The following RIPK2 variants were observed in gnomAD, a reference collection of about 807,000 sequenced individuals.
The protein encoded by RIPK2 is receptor-interacting serine/threonine-protein kinase 2.
RIPK2 carries 38 observed loss-of-function variants against 60.9 expected under a neutral mutation model. The observed-to-expected ratio is 0.62, with a 90% CI of 0.48 to 0.82. The LOEUF (loss-of-function observed/expected upper bound fraction) is 0.82. Ranked by LOEUF, RIPK2 falls within the 40% of genes least tolerant of loss-of-function variation. RIPK2 has a pLI of 0.00. For synonymous variants in RIPK2, 225 were observed against 223.4 expected (o/e 1.01, Z -0.06); for missense variants, 518 against 647.0 (o/e 0.80, Z 2.16).
In RIPK2 at chr8:89,789,417, G is replaced by C; in HGVS notation, c.1220G>C (p.Cys407Ser). ...TISGSQRAAF[C>S]DHKTTPCSSA... ...TCTGGATCTCAAAGGGCTGCATTCT[G>C]TGATCACAAGACCACTCCATGCTCT... is the stretch of plus-strand genomic sequence containing the variant. Residue 407 changes from cysteine (C) to serine (S), a missense_variant, in exon 10 of 11, where the codon TGT becomes TCT. Coordinates refer to ENST00000220751, the MANE Select transcript of RIPK2 (RefSeq NM_003821.6). 6.2e-7 allele frequency: 1 copy of C among 1,614,096 alleles called. No individual in the cohort carries two copies. Among genetic ancestry groups the C allele is most frequent in the Non-Finnish European group, 8.5e-7 (1 of 1,179,992 alleles).
At chr8:89,777,672 A>C (rs1158745124) in intron 6 of RIPK2, among the ~76,000 whole-genome samples, 1 of 152,034 alleles carries the variant, frequency 6.6e-6, no homozygotes, top group Non-Finnish European at 1.5e-5. Flanking sequence ...TTGGGATGCT[A>C]CTGGTTTTGT....
chr8:89,786,002 A>G (rs1301664212), intron 8 of RIPK2, among the ~76,000 whole-genome samples: 2 of 152,218 alleles, frequency 1.3e-5, no homozygotes, highest in African/African-American at 2.4e-5. Context: ...CTCATTCACT[A>G]TTCTAGCTAC....
chr8:89,779,155 G>C (rs976923199), intron 6 of RIPK2, among the ~76,000 whole-genome samples: 3 of 151,806 alleles, frequency 2.0e-5, no homozygotes, highest in African/African-American at 7.3e-5. Context: ...TTATTGTCAT[G>C]GGTCTGTATA....
intron 10 of RIPK2, 36 bp downstream of exon 10, chr8:89,789,518 C>T: frequency 6.3e-7 from 1 of 1,576,216 alleles, no homozygotes; most frequent in African/African-American, 1.3e-5. Context: ...GTAAGTGATG[C>T]CATTGACCTT....
At chr8:89,772,610 A>G (rs1809332193) in intron 5 of RIPK2, 57 bp from the exon 6 acceptor site, 1 of 1,260,138 alleles carries the variant, frequency 7.9e-7, no homozygotes, top group East Asian at 2.5e-5. Context: ...TTTAGATGTA[A>G]GTAATATGCT....
At position 89,774,374 on chromosome 8, in the gene RIPK2, A is replaced by G. The variant is rs139096894; in HGVS notation, c.853+1546A>G. ...CACTTCATACCCACAAAATAGCTATAATTAAAGACAGAAAATAACAAGTGT... is the reference window on the plus strand; with the variant it reads ...CACTTCATACCCACAAAATAGCTATGATTAAAGACAGAAAATAACAAGTGT... On this transcript the variant is annotated intron_variant, in intron 6 of 10. Coordinates refer to ENST00000220751, the MANE Select transcript of RIPK2 (RefSeq NM_003821.6). Among the ~76,000 whole-genome samples, 971 of 152,314 alleles carry G rather than the reference A, an allele frequency of 6.4e-3. 15 individuals carry two copies. The highest frequency in any genetic ancestry group is 0.022 in the African/African-American group (924 of 41,564).
At chr8:89,766,130 G>A (rs374952271) in intron 3 of RIPK2, among the ~76,000 whole-genome samples, 28 of 151,926 alleles carry the variant, frequency 1.8e-4, no homozygotes, top group South Asian at 1.7e-3. Context: ...CTTTGTTCAC[G>A]TCACATAATG....
intron 3 of RIPK2, among the ~76,000 whole-genome samples, chr8:89,767,616 G>C (rs1405576369): frequency 6.6e-6 from 1 of 151,618 alleles, no homozygotes; most frequent in East Asian, 1.9e-4. Context: ...ATACTTCACT[G>C]CAACAATCCC....
intron 7 of RIPK2, 61 bp from the exon 8 acceptor site, chr8:89,783,989 C>A (rs1411528732): frequency 2.3e-6 from 2 of 886,996 alleles, no homozygotes; most frequent in East Asian, 2.5e-5. Context: ...TTGTATTTTA[C>A]TTCTATAATT....
In RIPK2 at chr8:89,758,001, G is replaced by C. The variant is rs895849719; in HGVS notation, c.-60G>C. The C allele has an allele frequency of 1.4e-5, 21 of 1,473,788 alleles. No homozygotes were observed. Among genetic ancestry groups the C allele is most frequent in the Non-Finnish European group, 1.7e-5 (19 of 1,108,968 alleles). 91.3% of individuals were successfully genotyped at this position (1,473,788 alleles called of 1,614,324 possible). A position where few individuals can be genotyped will look rare whatever the true frequency, so the allele number is the denominator to read the frequency against. On this transcript the variant is annotated 5_prime_UTR_variant, in exon 1 of 11. Coordinates refer to ENST00000220751, the MANE Select transcript of RIPK2 (RefSeq NM_003821.6). ...ATCTGGGCGCCTGAGCGCGGCGTGGGAGCCTTGGGAGCCGCCGCAGCAGGG... is the reference window on the plus strand; with the variant it reads ...ATCTGGGCGCCTGAGCGCGGCGTGGCAGCCTTGGGAGCCGCCGCAGCAGGG...
rs768782365 is a variant in RIPK2 at position 89,772,752 on chromosome 8, A to G, written c.777A>G (p.Ile259Met). 3.1e-6 allele frequency: 5 copies of G among 1,612,018 alleles called. No individual in the cohort carries two copies. In the South Asian group the frequency reaches 4.4e-5, roughly 14 times the overall value. ...ATGAAGAAAGTTTGCCATATGATAT[A>G]CCTCACCGAGCACGTATGATCTCTC... ...VINEESLPYD[I>M]PHRARMISLI... The change falls in exon 6 of 11, where the codon ATA (isoleucine) becomes ATG (methionine). Residue 259 changes from isoleucine to methionine, a missense_variant. Ile to Met is a conservative substitution (Grantham distance 10, BLOSUM62 1). This residue lies in a region of RIPK2 where 448 missense variants were observed against 534.7 expected (regional missense o/e 0.84). Coordinates refer to ENST00000220751, the MANE Select transcript of RIPK2 (RefSeq NM_003821.6).
intron 4 of RIPK2, among the ~76,000 whole-genome samples, chr8:89,771,371 A>G (rs1039941169): frequency 4.4e-5 from 3 of 67,506 alleles, no homozygotes; most frequent in Non-Finnish European, 1.4e-4. Context: ...CTGAGAGCAG[A>G]AAAAAGGCAG....
At chr8:89,759,091 G>T (rs1206065101) in intron 1 of RIPK2, among the ~76,000 whole-genome samples, 3 of 152,172 alleles carry the variant, frequency 2.0e-5, no homozygotes, top group African/African-American at 7.2e-5. Flanking sequence ...TTCTCTCACA[G>T]GGAAGATTAA....
At chr8:89,780,695 G>A (rs886652171) in intron 7 of RIPK2, 2 of 151,840 alleles carry the variant, frequency 1.3e-5, no homozygotes, top group South Asian at 2.1e-4. Flanking sequence ...CTGGGTTCTC[G>A]CACTTCTCTT....
chr8:89,761,020 G>C (rs747517569), intron 1 of RIPK2, among the ~76,000 whole-genome samples: 1 of 152,206 alleles, frequency 6.6e-6, no homozygotes, highest in Non-Finnish European at 1.5e-5. Flanking sequence ...AGCAGTTGGA[G>C]TATTAAGTGA....
intron 2 of RIPK2, 106 bp downstream of exon 2, chr8:89,763,088 A>G: frequency 1.5e-6 from 1 of 681,862 alleles, no homozygotes; most frequent in Non-Finnish European, 2.1e-6. Context: ...TATATAGATG[A>G]ATCAAAGAAT....
At chr8:89,762,763 G>A in intron 1 of RIPK2, 66 bp from the exon 2 acceptor site, 1 of 939,224 alleles carries the variant, frequency 1.1e-6, no homozygotes, top group Non-Finnish European at 1.5e-6. Context: ...TCCAGGCTTA[G>A]TCTTATAGGC....
intron 4 of RIPK2, among the ~76,000 whole-genome samples, chr8:89,770,676 A>C (rs1809298270): frequency 7.4e-6 from 1 of 135,770 alleles, no homozygotes; most frequent in African/African-American, 3.7e-5. Flanking sequence ...ATCTTTAATA[A>C]ATAATTTGTT....
In RIPK2 at chr8:89,789,348, A is replaced by C. The variant is rs200241122; in HGVS notation, c.1151A>C (p.Lys384Thr). ...AAAGCTCAAGACTGTTATTTTATGAAGCTGCATCACTGTCCTGGAAATCAC... is the reference window on the plus strand; with the variant it reads ...AAAGCTCAAGACTGTTATTTTATGACGCTGCATCACTGTCCTGGAAATCAC... ...SRKAQDCYFMKLHHCPGNHSW... is the reference protein window; with the variant it reads ...SRKAQDCYFMTLHHCPGNHSW... The change falls in exon 10 of 11, where the codon AAG becomes ACG. Residue 384 changes from lysine to threonine, a missense_variant. Lys to Thr is a moderately conservative substitution (Grantham distance 78). This residue lies in a region of RIPK2 where 448 missense variants were observed against 534.7 expected (regional missense o/e 0.84). Coordinates refer to ENST00000220751, the MANE Select transcript of RIPK2 (RefSeq NM_003821.6). 56 of 1,613,866 alleles carry C rather than the reference A, an allele frequency of 3.5e-5. No homozygotes were observed. Among genetic ancestry groups the C allele is most frequent in the Non-Finnish European group, 4.7e-5 (55 of 1,179,950 alleles).
Sources: gnomAD v4.1 joint callset for allele counts (sites outside exome capture counted in the v4.1 genomes callset) on GRCh38, gnomAD v4.1.1 for gene constraint, gnomAD v4.1.1 regional missense constraint, MANE v1.5 for transcripts, NCBI Gene and HGNC (gene_info 2026-07-23, HGNC 2026-07-21) for gene names.